Variants in HOMER1 observed in about 807,000 individuals in gnomAD.
HOMER1 encodes the protein homer scaffold protein 1.
In HOMER1, 3 loss-of-function variants were observed where a neutral mutation model predicts 48.9. That is an observed-to-expected ratio of 0.06 (90% CI 0.03 to 0.16). HOMER1 has a LOEUF of 0.16. Among genes scored for constraint, HOMER1 ranks in the 10% least tolerant of loss-of-function variants. The pLI, the probability that HOMER1 is intolerant of heterozygous loss-of-function variation, is 1.00. For missense variants in HOMER1, 247 were observed against 411.4 expected (o/e 0.60, Z 3.46); for synonymous variants, 134 against 146.4 (o/e 0.92, Z 0.61).
intron 8 of HOMER1, among the ~76,000 whole-genome samples, chr5:79,377,217 C>T (rs889369793): frequency 2.6e-5 from 4 of 152,168 alleles, no homozygotes; most frequent in Admixed American, 6.5e-5. Flanking sequence ...CCACCCGCCT[C>T]GGCCTCCAAA....
In HOMER1 at chr5:79,398,209, A is replaced by G. The variant is rs531209139; in HGVS notation, c.685-572T>C. Among the ~76,000 whole-genome samples, 4 of 152,232 alleles carry G rather than the reference A, an allele frequency of 2.6e-5. No homozygotes were observed. In the South Asian group the frequency reaches 8.3e-4, roughly 32 times the overall value. On this transcript the variant is annotated intron_variant, in intron 6 of 8. Coordinates refer to ENST00000334082, the MANE Select transcript of HOMER1 (RefSeq NM_004272.5). The stretch of plus-strand genomic sequence containing the variant: ...GGCCCAAAGAGTAATATAACTTTTA[A>G]TGAGCACTTGGTATTTTTTGAGAGA...
chr5:79,378,878 C>T (rs1748847029), intron 8 of HOMER1, among the ~76,000 whole-genome samples: 1 of 151,194 alleles, frequency 6.6e-6, no homozygotes, highest in Admixed American at 6.6e-5. Flanking sequence ...GAATGAATCC[C>T]CTACTCTAAG....
chr5:79,439,275 G>A, intron 4 of HOMER1, 126 bp from the exon 5 acceptor site: 1 of 796,816 alleles, frequency 1.3e-6, no homozygotes, highest in Non-Finnish European at 1.9e-6. Flanking sequence ...TGAAATTTGA[G>A]TCAAAGACTT....
rs1177820913 is a variant in HOMER1 at position 79,513,037 on chromosome 5, T to C, written c.-263A>G. The C allele has an allele frequency of 2.4e-5, 13 of 543,130 alleles. No individual in the cohort carries two copies. Among genetic ancestry groups the C allele is most frequent in the East Asian group, 1.3e-4 (4 of 30,966 alleles). 33.6% of individuals were successfully genotyped at this position (543,130 alleles called of 1,614,324 possible). A position where few individuals can be genotyped will look rare whatever the true frequency, so the allele number is the denominator to read the frequency against. On this transcript the variant is annotated 5_prime_UTR_variant, in exon 1 of 9. Transcript: ENST00000334082. ...CTTTGCGGAGGAGACAGCGATCAAC[T>C]CTATTCCACAAAATGAGTCTACAAG...
intron 1 of HOMER1, among the ~76,000 whole-genome samples, chr5:79,461,767 A>G (rs984305654): frequency 6.6e-6 from 1 of 152,214 alleles, no homozygotes; most frequent in Non-Finnish European, 1.5e-5. Flanking sequence ...TATATTTATA[A>G]TATAAAATTC....
At chr5:79,500,391 C>G (rs1264175622) in intron 1 of HOMER1, among the ~76,000 whole-genome samples, 2 of 152,058 alleles carry the variant, frequency 1.3e-5, no homozygotes, top group East Asian at 3.9e-4. Context: ...AAAAAATGTC[C>G]AGATAACAGG....
At position 79,512,761 on chromosome 5, in the gene HOMER1, A is replaced by C. The variant is rs775139780; in HGVS notation, c.5+9T>G. 6.2e-7 allele frequency: 1 copy of C among 1,613,364 alleles called. No individual in the cohort carries two copies. The highest frequency in any genetic ancestry group is 1.1e-5 in the South Asian group (1 of 91,042). ...GATTCGAAGCTGTGTTAAGCACAAA[A>C]ATCCTTACCCCATTTTGCCCAATGA... On this transcript the variant is annotated intron_variant, in intron 1 of 8. Coordinates refer to ENST00000334082, the MANE Select transcript of HOMER1 (RefSeq NM_004272.5).
At chr5:79,486,442 C>T (rs188573298) in intron 1 of HOMER1, among the ~76,000 whole-genome samples, 4 of 152,268 alleles carry the variant, frequency 2.6e-5, no homozygotes, top group East Asian at 1.9e-4. Context: ...AAAGCATCAA[C>T]GCCAGCAGCA....
chr5:79,457,388 C>T (rs1751202835), intron 1 of HOMER1, among the ~76,000 whole-genome samples: 1 of 152,174 alleles, frequency 6.6e-6, no homozygotes, highest in African/African-American at 2.4e-5. Context: ...GTGACAATGC[C>T]TTCTTGTTTC....
chr5:79,436,061 G>C (rs1283664685), intron 5 of HOMER1, among the ~76,000 whole-genome samples: 1 of 151,160 alleles, frequency 6.6e-6, no homozygotes, highest in African/African-American at 2.4e-5. Flanking sequence ...GGGAAGCGGA[G>C]CTTGCAGTGA....
chr5:79,444,260 G>A (rs1750815875), intron 4 of HOMER1, among the ~76,000 whole-genome samples: 1 of 152,126 alleles, frequency 6.6e-6, no homozygotes, highest in South Asian at 2.1e-4. Flanking sequence ...CTGCAGTGCA[G>A]TGACGTGATT....
chr5:79,377,522 G>T (rs952096919), intron 8 of HOMER1, among the ~76,000 whole-genome samples: 1 of 152,088 alleles, frequency 6.6e-6, no homozygotes, highest in Non-Finnish European at 1.5e-5. Context: ...TTTACATTAA[G>T]ATATATAAAC....
At chr5:79,376,716 A>G (rs533823290) in intron 8 of HOMER1, among the ~76,000 whole-genome samples, 8 of 152,346 alleles carry the variant, frequency 5.3e-5, no homozygotes, top group African/African-American at 1.9e-4. Context: ...TTGCCTCAAT[A>G]TCAAATAAAT....
At chr5:79,400,366 T>C (rs1422853868) in intron 6 of HOMER1, among the ~76,000 whole-genome samples, 1 of 151,692 alleles carries the variant, frequency 6.6e-6, no homozygotes, top group African/African-American at 2.4e-5. Context: ...TTTTTTTTTT[T>C]TTTTCTGAGA....
intron 8 of HOMER1, among the ~76,000 whole-genome samples, chr5:79,393,455 C>A (rs747340371): frequency 6.6e-6 from 1 of 152,090 alleles, no homozygotes; most frequent in Non-Finnish European, 1.5e-5. Context: ...AAAATGCACT[C>A]GTGACTTCAA....
At chr5:79,417,843 C>T (rs577980241) in intron 5 of HOMER1, among the ~76,000 whole-genome samples, 6 of 152,178 alleles carry the variant, frequency 3.9e-5, no homozygotes, top group African/African-American at 1.2e-4. Context: ...ATAATTTAAA[C>T]GATAAAAATC....
chr5:79,457,306 A>G (rs959760318), intron 1 of HOMER1, among the ~76,000 whole-genome samples: 2 of 152,214 alleles, frequency 1.3e-5, no homozygotes, highest in Admixed American at 1.3e-4. Flanking sequence ...TTAGTCTTTC[A>G]CAGACACACA....
chr5:79,455,382 T>G (rs1366554940), intron 2 of HOMER1, among the ~76,000 whole-genome samples: 1 of 152,074 alleles, frequency 6.6e-6, no homozygotes, highest in Non-Finnish European at 1.5e-5. Context: ...GGGGGGCAGT[T>G]TCCCCAATGC....
intron 5 of HOMER1, among the ~76,000 whole-genome samples, chr5:79,408,422 A>G (rs1749724579): frequency 8.7e-6 from 1 of 114,304 alleles, no homozygotes. Context: ...AAGTGAGAGT[A>G]TGACCCCAGA....
Sources: allele counts gnomAD v4.1 joint callset (sites outside exome capture counted in the v4.1 genomes callset), GRCh38; gene constraint gnomAD v4.1.1; transcripts MANE v1.5; gene names NCBI Gene and HGNC (gene_info 2026-07-23, HGNC 2026-07-21).